SEMA6D: variants seen among roughly 807,000 people sequenced by gnomAD.
The protein encoded by SEMA6D is semaphorin 6D, also known as semaphorin-6D.
In SEMA6D, 35 loss-of-function variants were observed where a neutral mutation model predicts 106.6. The observed-to-expected ratio is 0.33, with a 90% CI of 0.25 to 0.44. The LOEUF is 0.44. Ranked by LOEUF, SEMA6D falls within the 20% of genes least tolerant of loss-of-function variation. The pLI, the probability that SEMA6D is intolerant of heterozygous loss-of-function variation, is 1.00. For synonymous variants in SEMA6D, 499 were observed against 487.7 expected, an observed-to-expected ratio of 1.02 and a Z score of -0.31; for missense variants, 1,185 against 1,345.9, an observed-to-expected ratio of 0.88 and a Z score of 1.87.
At chr15:47,458,881 A>G (rs2042419675) in intron 2 of SEMA6D, among the ~76,000 whole-genome samples, 1 of 152,044 alleles carries the variant, frequency 6.6e-6, no homozygotes, top group South Asian at 2.1e-4. Flanking sequence ...ATAAATAAAT[A>G]AATAAACTAT....
intron 1 of SEMA6D, among the ~76,000 whole-genome samples, chr15:47,349,387 C>T (rs1037947319): frequency 2.6e-5 from 4 of 152,136 alleles, no homozygotes; most frequent in Admixed American, 2.6e-4. Flanking sequence ...CATGACTCTA[C>T]AGGGCATGTT....
At chr15:47,711,921 T>C (rs1479910232) in intron 4 of SEMA6D, among the ~76,000 whole-genome samples, 1 of 152,176 alleles carries the variant, frequency 6.6e-6, no homozygotes, top group Non-Finnish European at 1.5e-5. Flanking sequence ...GGTTTTTGGG[T>C]GTAAAACAAT....
intron 17 of SEMA6D, 90 bp from the exon 18 acceptor site, chr15:47,768,491 T>C: frequency 8.7e-7 from 1 of 1,145,018 alleles, no homozygotes; most frequent in East Asian, 2.6e-5. Flanking sequence ...TCTCATAAAA[T>C]TTACTCAAAC....
At chr15:47,540,968 A>G (rs745765695) in intron 3 of SEMA6D, among the ~76,000 whole-genome samples, 9 of 152,214 alleles carry the variant, frequency 5.9e-5, no homozygotes, top group Admixed American at 1.3e-4. Flanking sequence ...GGAATAGAGT[A>G]TAGGACAGAA....
chr15:47,237,334 A>C (rs1458899398), intron 1 of SEMA6D, among the ~76,000 whole-genome samples: 1 of 152,148 alleles, frequency 6.6e-6, no homozygotes, highest in African/African-American at 2.4e-5. Context: ...TTCCACTTAA[A>C]TGATCACACT....
In SEMA6D at chr15:47,762,405, G is replaced by A. The variant is rs544364357; in HGVS notation, c.658+86G>A. On this transcript the variant is annotated intron_variant, in intron 8 of 18. Coordinates refer to ENST00000536845, the MANE Select transcript of SEMA6D (RefSeq NM_001358351.3). ...GCAGCCACGGCCATCAAGAGGTTCA[G>A]CGCATGACTTTATATTGTTTATTTA... The A allele has an allele frequency of 2.6e-5, 38 of 1,460,006 alleles. No individual in the cohort carries two copies. In the African/African-American group the frequency reaches 5.0e-4, roughly 19 times the overall value. 90.4% of individuals were successfully genotyped at this position (1,460,006 alleles called of 1,614,324 possible).
intron 3 of SEMA6D, among the ~76,000 whole-genome samples, chr15:47,554,455 G>T (rs1260065058): frequency 4.6e-5 from 7 of 152,194 alleles, no homozygotes; most frequent in African/African-American, 1.7e-4. Flanking sequence ...TCTTTGCAGG[G>T]ATCAATGATG....
chr15:47,333,315 A>G (rs1233692090), intron 1 of SEMA6D, among the ~76,000 whole-genome samples: 1 of 152,188 alleles, frequency 6.6e-6, no homozygotes, highest in Non-Finnish European at 1.5e-5. Flanking sequence ...TGTAAAATAG[A>G]ATAATTGATC....
intron 12 of SEMA6D, 41 bp from the exon 13 acceptor site, chr15:47,764,842 C>T (rs758606053): frequency 1.8e-5 from 29 of 1,613,210 alleles, no homozygotes; most frequent in Non-Finnish European, 2.4e-5. Context: ...TTTCTCTGCC[C>T]GTTGGCCTCC....
chr15:47,296,790 G>T (rs1400871126), intron 1 of SEMA6D, among the ~76,000 whole-genome samples: 1 of 152,162 alleles, frequency 6.6e-6, no homozygotes, highest in Admixed American at 6.5e-5. Flanking sequence ...GGCCATGTTT[G>T]AGGAACATTT....
chr15:47,224,175 TAATAA>T (rs927452707), intron 1 of SEMA6D, among the ~76,000 whole-genome samples: 6 of 149,204 alleles, frequency 4.0e-5, no homozygotes, highest in Admixed American at 6.7e-5. Flanking sequence ...GAAAAAAAAA[TAATAA>T]AATAAAATTA....
intron 1 of SEMA6D, among the ~76,000 whole-genome samples, chr15:47,727,035 G>A (rs914456656): frequency 5.9e-5 from 9 of 152,132 alleles, no homozygotes; most frequent in African/African-American, 1.2e-4. Context: ...TCCTAACCCC[G>A]ATGTCAGCTG....
intron 4 of SEMA6D, among the ~76,000 whole-genome samples, chr15:47,638,168 C>G (rs925075987): frequency 2.5e-4 from 38 of 151,962 alleles, no homozygotes; most frequent in African/African-American, 8.9e-4. Flanking sequence ...AATTTCATAA[C>G]AGTTTCTCTC....
chr15:47,717,646 CTT>C lies in SEMA6D; in HGVS notation c.-92_-91del. On this transcript the variant is annotated 5_prime_UTR_variant, in exon 1 of 19. Coordinates refer to ENST00000536845, the MANE Select transcript of SEMA6D (RefSeq NM_001358351.3). ...TTCTTTCTTCCTTGCGCGTGGCAAG[CTT>C]TTTTTTTTCTTTTTCTTTTTTCTTA... is the stretch of plus-strand genomic sequence containing the variant. 1 of 149,570 alleles carries C rather than the reference CTT, an allele frequency of 6.7e-6. No homozygotes were observed. The highest frequency in any genetic ancestry group is 1.5e-5 in the Non-Finnish European group (1 of 67,432). 9.3% of individuals were successfully genotyped at this position (149,570 alleles called of 1,614,324 possible).
intron 3 of SEMA6D, among the ~76,000 whole-genome samples, chr15:47,473,157 G>A (rs73388939): frequency 0.029 from 4,395 of 152,242 alleles, 220 homozygotes; most frequent in African/African-American, 0.1. Flanking sequence ...ATGAGAGGAG[G>A]AGGCAGACAG....
chr15:47,640,626 A>G (rs16959893), intron 4 of SEMA6D, among the ~76,000 whole-genome samples: 5,247 of 152,222 alleles, frequency 0.034, 298 homozygotes, highest in African/African-American at 0.12. Flanking sequence ...TTGTACGTCT[A>G]TGAGCCTTAG....
chr15:47,405,636 T>C (rs2040539875), intron 1 of SEMA6D, among the ~76,000 whole-genome samples: 1 of 152,210 alleles, frequency 6.6e-6, no homozygotes. Flanking sequence ...TCCTTTGTTT[T>C]CTGCTTCTCG....
At chr15:47,593,264 C>T (rs1369207963) in intron 3 of SEMA6D, among the ~76,000 whole-genome samples, 1 of 151,794 alleles carries the variant, frequency 6.6e-6, no homozygotes, top group East Asian at 1.9e-4. Flanking sequence ...AATCAGCCAG[C>T]TGTGGTGGCT....
At chr15:47,234,057 G>C (rs2032384877) in intron 1 of SEMA6D, among the ~76,000 whole-genome samples, 1 of 151,988 alleles carries the variant, frequency 6.6e-6, no homozygotes, top group South Asian at 2.1e-4. Context: ...ATGGATAACA[G>C]TTGGGACAAA....
Sources: allele counts gnomAD v4.1 joint callset (sites outside exome capture counted in the v4.1 genomes callset), GRCh38; gene constraint gnomAD v4.1.1; transcripts MANE v1.5; gene names NCBI Gene and HGNC (gene_info 2026-07-23, HGNC 2026-07-21).